Variants in SEMA3C observed in about 807,000 individuals in gnomAD.
SEMA3C encodes semaphorin-3C.
In SEMA3C, 47 loss-of-function variants were observed where a neutral mutation model predicts 89.4. The observed-to-expected ratio is 0.53, with a 90% confidence interval of 0.42 to 0.67. The LOEUF is 0.67. Ranked by LOEUF, SEMA3C falls within the 30% of genes least tolerant of loss-of-function variation. The pLI is 0.00. For synonymous variants in SEMA3C, 310 were observed against 320.2 expected (o/e 0.97, Z 0.34); for missense variants, 839 against 929.1 (o/e 0.90, Z 1.26).
rs1391895671 is a variant in SEMA3C at position 80,840,098 on chromosome 7, T to A, written c.104-11353A>T. On this transcript the variant is annotated intron_variant, in intron 2 of 17. Coordinates refer to ENST00000265361, the MANE Select transcript of SEMA3C (RefSeq NM_006379.5). ...CAGCCCATAGCTCTCTATAACACAA[T>A]GCTTGTGTTTATACATAACACAGCC... 2.6e-5 allele frequency among the ~76,000 whole-genome samples: 4 copies of A among 152,096 alleles called. No individual in the cohort carries two copies. In the East Asian group the frequency reaches 7.7e-4, roughly 29 times the overall value.
chr7:80,914,818 T>C (rs954821200), intron 2 of SEMA3C, among the ~76,000 whole-genome samples: 1 of 152,194 alleles, frequency 6.6e-6, no homozygotes, highest in Non-Finnish European at 1.5e-5. Context: ...ATTAGGCATA[T>C]ATTATTTTAA....
intron 6 of SEMA3C, 55 bp from the exon 7 acceptor site, chr7:80,805,813 C>A: frequency 7.4e-7 from 1 of 1,349,332 alleles, no homozygotes; most frequent in African/African-American, 1.5e-5. Flanking sequence ...TTTTGAAATT[C>A]TAGGTGAGTT....
At chr7:80,856,494 G>C (rs1421860593) in intron 2 of SEMA3C, among the ~76,000 whole-genome samples, 1 of 129,440 alleles carries the variant, frequency 7.7e-6, no homozygotes, top group Non-Finnish European at 1.5e-5. Flanking sequence ...TGACAGCCCA[G>C]CCAGAGATTT....
At chr7:80,863,665 A>T (rs1316540705) in intron 2 of SEMA3C, among the ~76,000 whole-genome samples, 1 of 150,192 alleles carries the variant, frequency 6.7e-6, no homozygotes, top group African/African-American at 2.4e-5. Context: ...TATCACATAT[A>T]TATATATACA....
rs746608976 is a variant in SEMA3C, at chr7:80,765,216, A to G, written c.1382T>C (p.Val461Ala). The G allele has an allele frequency of 1.5e-5, 25 of 1,613,718 alleles. No homozygotes were observed. Among genetic ancestry groups the G allele is most frequent in the Non-Finnish European group, 1.9e-5 (23 of 1,179,844 alleles). The change falls in exon 13 of 18, where the codon GTT becomes GCT. Residue 461 changes from valine to alanine, a missense_variant. Coordinates refer to ENST00000265361, the MANE Select transcript of SEMA3C (RefSeq NM_006379.5). Reference sequence around the variant, plus strand: ...ACTGACAGAGTTGTTAGTAGGAAGAACAACCACTTTTTGCACAGTACCCCG... The same window carrying G: ...ACTGACAGAGTTGTTAGTAGGAAGAGCAACCACTTTTTGCACAGTACCCCG... ...TDRGTVQKVVVLPTNNSVSGE... is the reference protein window; with the variant it reads ...TDRGTVQKVVALPTNNSVSGE...
chr7:80,890,207 A>G (rs1001656268), intron 2 of SEMA3C, among the ~76,000 whole-genome samples: 1 of 152,118 alleles, frequency 6.6e-6, no homozygotes, highest in Admixed American at 6.5e-5. Context: ...CTATGGGTCA[A>G]TCAAGGACAA....
chr7:80,892,810 T>G (rs1442762259), intron 2 of SEMA3C, among the ~76,000 whole-genome samples: 1 of 152,140 alleles, frequency 6.6e-6, no homozygotes, highest in African/African-American at 2.4e-5. Context: ...TTGGAACATG[T>G]GGTTGTATTT....
At chr7:80,804,072 T>G (rs375179428) in intron 8 of SEMA3C, 34 bp downstream of exon 8, 2 of 1,551,004 alleles carry the variant, frequency 1.3e-6, no homozygotes, top group Non-Finnish European at 8.7e-7. Flanking sequence ...AATTTCTTGG[T>G]CTTTCTTCAA....
intron 2 of SEMA3C, among the ~76,000 whole-genome samples, chr7:80,898,249 C>T (rs1791787478): frequency 6.6e-6 from 1 of 152,030 alleles, no homozygotes; most frequent in South Asian, 2.1e-4. Flanking sequence ...GCCTGTAGTC[C>T]CAGCTACTCG....
intron 2 of SEMA3C, among the ~76,000 whole-genome samples, chr7:80,878,986 G>A (rs1791266580): frequency 6.6e-6 from 1 of 152,142 alleles, no homozygotes; most frequent in Non-Finnish European, 1.5e-5. Context: ...ATGTTACACA[G>A]TAATCAAATC....
chr7:80,843,570 A>T (rs948469526), intron 2 of SEMA3C, among the ~76,000 whole-genome samples: 3 of 152,160 alleles, frequency 2.0e-5, no homozygotes, highest in Non-Finnish European at 4.4e-5. Context: ...TGCTAATTGA[A>T]TGAGAAAGTA....
chr7:80,863,660 C>CATATATAT (rs57236307), intron 2 of SEMA3C, among the ~76,000 whole-genome samples: 7,333 of 147,204 alleles, frequency 0.05, 488 homozygotes, highest in African/African-American at 0.15. Context: ...ATATATATCA[C>CATATATAT]ATATATATAT....
Position 80,765,249 on chromosome 7 carries a change from T to C in SEMA3C, c.1355-6A>G. On this transcript the variant is annotated splice_region_variant and splice_polypyrimidine_tract_variant and intron_variant, in intron 12 of 17. Transcript: ENST00000265361. ...TTTTTGCACAGTACCCCGATCTAAATTAAAAAAAGAAGAAATGAGATGTTA... is the reference window on the plus strand; with the variant it reads ...TTTTTGCACAGTACCCCGATCTAAACTAAAAAAAGAAGAAATGAGATGTTA... The C allele has an allele frequency of 3.7e-6, 6 of 1,603,066 alleles. No individual in the cohort carries two copies. Among genetic ancestry groups the C allele is most frequent in the Non-Finnish European group, 5.1e-6 (6 of 1,171,934 alleles).
chr7:80,753,152 G>A (rs539070598), intron 15 of SEMA3C, among the ~76,000 whole-genome samples: 5 of 152,184 alleles, frequency 3.3e-5, no homozygotes, highest in African/African-American at 9.6e-5. Flanking sequence ...CCAAAGTCAC[G>A]TGACCCGTAC....
intron 12 of SEMA3C, among the ~76,000 whole-genome samples, chr7:80,777,045 T>C (rs775871098): frequency 2.0e-5 from 3 of 152,140 alleles, no homozygotes; most frequent in Non-Finnish European, 4.4e-5. Context: ...ATTGAATGCT[T>C]ACTAATCGCT....
chr7:80,921,667 A>G (rs1208622745), upstream of SEMA3C, among the ~76,000 whole-genome samples: 1 of 152,220 alleles, frequency 6.6e-6, no homozygotes, highest in Non-Finnish European at 1.5e-5. Flanking sequence ...AGCACTAATT[A>G]CAATGTTTGC....
chr7:80,820,224 A>AT (rs199821909), intron 4 of SEMA3C, among the ~76,000 whole-genome samples: 13 of 150,058 alleles, frequency 8.7e-5, no homozygotes, highest in African/African-American at 2.0e-4. Context: ...TACCCAGCTA[A>AT]TTTTTTTTTG....
At chr7:80,828,545 G>GA (rs1562894372) in intron 3 of SEMA3C, 40 bp downstream of exon 3, 1 of 1,491,926 alleles carries the variant, frequency 6.7e-7, no homozygotes, top group Non-Finnish European at 9.0e-7. Flanking sequence ...AAGAGACATT[G>GA]AAAAGGTGGA....
intron 9 of SEMA3C, among the ~76,000 whole-genome samples, chr7:80,801,155 G>A (rs942368835): frequency 8.6e-5 from 13 of 151,932 alleles, no homozygotes; most frequent in African/African-American, 3.1e-4. Context: ...ATAAGAATAA[G>A]ATTAACAGTG....
Sources: allele counts gnomAD v4.1 joint callset (sites outside exome capture counted in the v4.1 genomes callset), GRCh38; gene constraint gnomAD v4.1.1; transcripts MANE v1.5; gene names NCBI Gene and HGNC (gene_info 2026-07-23, HGNC 2026-07-21).